OR8J1: variants seen among roughly 807,000 people sequenced by gnomAD.
OR8J1 encodes olfactory receptor family 8 subfamily J member 1, also known as olfactory receptor 8J1.
For missense variants in OR8J1, 400 were observed against 373.0 expected (o/e 1.07, Z -0.60); for synonymous variants, 157 against 144.3 (o/e 1.09, Z -0.63).
At chr11:56,356,890 T>C (rs1344837233) in intron 1 of OR8J1, among the ~76,000 whole-genome samples, 1 of 152,120 alleles carries the variant, frequency 6.6e-6, no homozygotes, top group Admixed American at 6.6e-5. Context: ...AAACATATTG[T>C]CTCATATTCA....
At position 56,360,697 on chromosome 11, in the gene OR8J1, T is replaced by C. The variant is rs111941251; in HGVS notation, c.451T>C (p.Tyr151His). 674 of 1,612,422 alleles carry C rather than the reference T, an allele frequency of 4.2e-4. 3 individuals carry two copies. Among genetic ancestry groups the C allele is most frequent in the Non-Finnish European group, 5.3e-4 (620 of 1,179,454 alleles). Residue 151 changes from tyrosine to histidine, a missense_variant, in exon 2 of 2, where the codon TAT (tyrosine) becomes CAT (histidine). By Grantham distance (83) the Tyr-to-His change is moderately conservative. Coordinates refer to ENST00000533152, the MANE Select transcript of OR8J1 (RefSeq NM_001005205.3). ...CLLLVSLTYL[Y>H]GFSTAIVVSS... ...CCTGCTGGTCTCCCTCACATACCTC[T>C]ATGGCTTTTCTACAGCTATTGTGGT...
intron 1 of OR8J1, among the ~76,000 whole-genome samples, chr11:56,359,530 G>A (rs1852605472): frequency 6.6e-6 from 1 of 151,932 alleles, no homozygotes; most frequent in Non-Finnish European, 1.5e-5. Context: ...ACATGAGAAA[G>A]AAGGAACAGA....
intron 1 of OR8J1, among the ~76,000 whole-genome samples, chr11:56,358,512 G>A (rs542378800): frequency 5.2e-3 from 783 of 151,800 alleles, no homozygotes; most frequent in Non-Finnish European, 7.9e-3. Flanking sequence ...GATCCTTTAG[G>A]TCTCAATACA....
rs1019253434 is a variant in OR8J1 at position 56,358,262 on chromosome 11, T to C, written c.-20-1965T>C. ...ATGAGGATTTTTCAGATAAAGACAATAAACTTATGAACAGCAACTAAAAAA... is the reference window on the plus strand; with the variant it reads ...ATGAGGATTTTTCAGATAAAGACAACAAACTTATGAACAGCAACTAAAAAA... On this transcript the variant is annotated intron_variant, in intron 1 of 1. Transcript: ENST00000533152. 1.9e-5 allele frequency: 4 copies of C among 211,646 alleles called. No homozygotes were observed. In the Admixed American group the frequency reaches 2.0e-4, roughly 10 times the overall value. 13.1% of individuals were successfully genotyped at this position (211,646 alleles called of 1,614,324 possible).
chr11:56,358,614 A>G lies in OR8J1; in HGVS notation c.-20-1613A>G, dbSNP rs572821349. On this transcript the variant is annotated intron_variant, in intron 1 of 1. Coordinates refer to ENST00000533152, the MANE Select transcript of OR8J1 (RefSeq NM_001005205.3). ...AAAAAGAAACTGCTAAAATTAAAAA[A>G]GACCTTCCCATAACATACCATGTGA... is the stretch of plus-strand genomic sequence containing the variant. Among the ~76,000 whole-genome samples the G allele has an allele frequency of 6.6e-5, 10 of 152,348 alleles. No homozygotes were observed. In the South Asian group the frequency reaches 2.1e-3, roughly 32 times the overall value.
At chr11:56,357,689 A>AG in intron 1 of OR8J1, 1 of 1,584,372 alleles carries the variant, frequency 6.3e-7, no homozygotes, top group Non-Finnish European at 8.6e-7. Context: ...ATGAAGGCCA[A>AG]GTGGAGGCGA....
chr11:56,356,495 A>G (rs764679013), intron 1 of OR8J1, among the ~76,000 whole-genome samples: 3 of 152,182 alleles, frequency 2.0e-5, no homozygotes, highest in Non-Finnish European at 2.9e-5. Flanking sequence ...AAATAGACTG[A>G]AAGCTACAGA....
Position 56,361,172 on chromosome 11 carries a change from T to C in OR8J1, c.926T>C (p.Leu309Pro), listed in dbSNP as rs1288941558. ...GCTCTACAGAGATTCATGACAAATC[T>C]GTGCTATTCCTTTAAAACAATGTAA... is the stretch of plus-strand genomic sequence containing the variant. ...KTALQRFMTN[L>P]CYSFKTM The change falls in exon 2 of 2, where the codon CTG (leucine) becomes CCG (proline). Residue 309 changes from leucine (L) to proline (P), a missense_variant. Leu to Pro is a moderately conservative substitution (Grantham distance 98). Transcript: ENST00000533152. 3.6e-6 allele frequency: 5 copies of C among 1,373,684 alleles called. No homozygotes were observed. Among genetic ancestry groups the C allele is most frequent in the Middle Eastern group, 3.8e-4 (2 of 5,222 alleles). 85.1% of individuals were successfully genotyped at this position (1,373,684 alleles called of 1,614,324 possible).
Position 56,361,096 on chromosome 11 carries a change from C to T in OR8J1, c.850C>T (p.Pro284Ser), listed in dbSNP as rs769923091. 3 of 1,510,526 alleles carry T rather than the reference C, an allele frequency of 2.0e-6. No individual in the cohort carries two copies. In the Admixed American group the frequency reaches 7.1e-5, roughly 36 times the overall value. 93.6% of individuals were successfully genotyped at this position (1,510,526 alleles called of 1,614,324 possible). A position where few individuals can be genotyped will look rare whatever the true frequency, so the allele number is the denominator to read the frequency against. The change falls in exon 2 of 2, where the codon CCT (proline) becomes TCT (serine). Residue 284 changes from proline to serine, a missense_variant. Transcript: ENST00000533152. ...TTCTGTGTTTTACACGTTGGTAATT[C>T]CTATGCTGAATCCCTTGATCTACAG... ...MASVFYTLVI[P>S]MLNPLIYSLR...
At chr11:56,357,686 C>A in intron 1 of OR8J1, 1 of 1,582,712 alleles carries the variant, frequency 6.3e-7, no homozygotes, top group Non-Finnish European at 8.6e-7. Flanking sequence ...TCTATGAAGG[C>A]CAAGTGGAGG....
intron 1 of OR8J1, among the ~76,000 whole-genome samples, chr11:56,356,796 A>G (rs1436436759): frequency 6.6e-6 from 1 of 152,210 alleles, no homozygotes; most frequent in Non-Finnish European, 1.5e-5. Context: ...CTTAAATATT[A>G]GCTTGCTTAA....
intron 1 of OR8J1, among the ~76,000 whole-genome samples, chr11:56,359,470 T>G (rs1852604721): frequency 6.6e-6 from 1 of 151,514 alleles, no homozygotes; most frequent in Non-Finnish European, 1.5e-5. Context: ...AAATACAAAG[T>G]GAAAACTATG....
chr11:56,360,856 G>A lies in OR8J1; in HGVS notation c.610G>A (p.Ala204Thr), dbSNP rs1224143527. The change falls in exon 2 of 2, where the codon GCA (alanine) becomes ACA (threonine). Residue 204 changes from alanine (A) to threonine (T), a missense_variant. Ala to Thr is a moderately conservative substitution (Grantham distance 58). Transcript: ENST00000533152. ...AGAAACAGTTGTCTTTATATCTGCA[G>A]CAACAAATGTGGTTGGTTCCTTGAT... ...LPETVVFISA[A>T]TNVVGSLIIV... The A allele has an allele frequency of 3.3e-6, 5 of 1,504,504 alleles. No homozygotes were observed. The African/African-American group carries it at 5.7e-5, about 17-fold the overall frequency. The allele number at this position is 1,504,504 out of a possible 1,614,324, so 93.2% of individuals were successfully genotyped here.
chr11:56,357,590 G>C, intron 1 of OR8J1: 1 of 1,135,626 alleles, frequency 8.8e-7, no homozygotes, highest in Non-Finnish European at 1.3e-6. Flanking sequence ...ATGGTGTGAA[G>C]GTTGGCCTGA....
intron 1 of OR8J1, chr11:56,357,328 T>G: frequency 1.7e-6 from 1 of 597,214 alleles, no homozygotes; most frequent in Non-Finnish European, 3.0e-6. Flanking sequence ...CAGGACGGAG[T>G]TTGTTAAAGT....
At chr11:56,357,496 G>T in intron 1 of OR8J1, 1 of 860,738 alleles carries the variant, frequency 1.2e-6, no homozygotes, top group Non-Finnish European at 2.0e-6. Flanking sequence ...GTAATAAACA[G>T]ATATATCATT....
chr11:56,355,128 G>T (rs1854950268), intron 1 of OR8J1, among the ~76,000 whole-genome samples: 1 of 152,004 alleles, frequency 6.6e-6, no homozygotes, highest in Admixed American at 6.6e-5. Flanking sequence ...AAAATAGCAT[G>T]TTCAAAAGTA....
Position 56,360,292 on chromosome 11 carries a change from G to A in OR8J1, c.46G>A (p.Gly16Ser), listed in dbSNP as rs144235761. Residue 16 changes from glycine to serine, a missense_variant, in exon 2 of 2, where the codon GGT (glycine) becomes AGT (serine). Gly to Ser is a moderately conservative substitution (Grantham distance 56). Transcript: ENST00000533152. Reference protein sequence around the residue: ...FTRVTEFILTGVSSCPELQIP... With the variant: ...FTRVTEFILTSVSSCPELQIP... ...CAGAGTCACTGAGTTTATTCTTACA[G>A]GTGTCTCTAGCTGTCCAGAGCTCCA... 16 of 1,600,382 alleles carry A rather than the reference G, an allele frequency of 1.0e-5. No individual in the cohort carries two copies. In the African/African-American group the frequency reaches 2.0e-4, roughly 20 times the overall value.
intron 1 of OR8J1, chr11:56,357,542 G>A: frequency 1.2e-6 from 1 of 865,400 alleles, no homozygotes; most frequent in Non-Finnish European, 2.0e-6. Flanking sequence ...AGGGGAATGT[G>A]ATAGTCCGCG....
Sources: gnomAD v4.1 joint callset for allele counts (sites outside exome capture counted in the v4.1 genomes callset) on GRCh38, gnomAD v4.1.1 for gene constraint, MANE v1.5 for transcripts, NCBI Gene and HGNC (gene_info 2026-07-23, HGNC 2026-07-21) for gene names.